The following PUS10 variants were observed in gnomAD, a reference collection of about 807,000 sequenced individuals.
PUS10 encodes the protein pseudouridine synthase 10.
Under a neutral mutation model 75.0 loss-of-function variants are expected in PUS10, and 59 were observed. The observed-to-expected ratio is 0.79, with a 90% CI of 0.64 to 0.98. The LOEUF (loss-of-function observed/expected upper bound fraction) is 0.98, where lower values mean the gene tolerates loss of function less well. Ranked by LOEUF, PUS10 falls within the 50% of genes least tolerant of loss-of-function variation. PUS10 has a pLI of 0.00. For missense variants in PUS10, 650 were observed against 614.4 expected, an observed-to-expected ratio of 1.06 and a Z score of -0.61; for synonymous variants, 219 against 211.6, an observed-to-expected ratio of 1.03 and a Z score of -0.30.
chr2:60,968,504 G>A (rs1010433959), intron 5 of PUS10, among the ~76,000 whole-genome samples: 1 of 151,868 alleles, frequency 6.6e-6, no homozygotes, highest in Non-Finnish European at 1.5e-5. Flanking sequence ...TTCACTGATA[G>A]AAATTACTCC....
chr2:60,985,844 G>A (rs1677687348), intron 4 of PUS10, among the ~76,000 whole-genome samples: 2 of 148,572 alleles, frequency 1.3e-5, no homozygotes, highest in Admixed American at 6.9e-5. Context: ...GGATGGGGCC[G>A]TATCTAATGG....
chr2:60,954,125 T>C lies in PUS10; in HGVS notation c.1091A>G (p.His364Arg), dbSNP rs757840777. ...RPFAIELVNPHRVHFTSQEIK... is the reference protein window; with the variant it reads ...RPFAIELVNPRRVHFTSQEIK... Reference sequence around the variant, plus strand: ...TTCTTGTGAAGTGAAATGTACTCTATGAGGATTCACCAGCTCAATTGCAAA... The same window carrying C: ...TTCTTGTGAAGTGAAATGTACTCTACGAGGATTCACCAGCTCAATTGCAAA... The change falls in exon 13 of 18, where the codon CAT becomes CGT. Residue 364 changes from histidine (H) to arginine (R), a missense_variant. Physicochemically the swap from His to Arg is conservative, Grantham distance 29 (BLOSUM62 0). Transcript: ENST00000316752. The C allele has an allele frequency of 5.0e-6, 8 of 1,614,084 alleles. No individual in the cohort carries two copies. The African/African-American group carries it at 1.1e-4, about 22-fold the overall frequency.
chr2:60,962,578 A>AAAAT (rs1323486947), intron 9 of PUS10, among the ~76,000 whole-genome samples: 2 of 152,050 alleles, frequency 1.3e-5, no homozygotes, highest in Admixed American at 6.5e-5. Context: ...CTGTCTCAAA[A>AAAAT]AAATAAATAA....
intron 4 of PUS10, among the ~76,000 whole-genome samples, chr2:60,984,100 A>G (rs1441772766): frequency 1.3e-5 from 2 of 152,200 alleles, no homozygotes; most frequent in Admixed American, 1.3e-4. Context: ...CAAAACAAAT[A>G]TTGAAAAAGT....
At position 61,001,482 on chromosome 2, in the gene PUS10, G is replaced by A. The variant is rs112712455; in HGVS notation, c.468+5075C>T. Reference sequence around the variant, plus strand: ...AGTAGAGACGGGATTTTACTATGTTGGCTAGGCTGGTCTCGAACTCCTGAC... The same window carrying A: ...AGTAGAGACGGGATTTTACTATGTTAGCTAGGCTGGTCTCGAACTCCTGAC... On this transcript the variant is annotated intron_variant, in intron 4 of 17. Transcript: ENST00000316752. Among the ~76,000 whole-genome samples the A allele has an allele frequency of 7.1e-3, 1,078 of 152,156 alleles. 11 individuals carry two copies. The highest frequency in any genetic ancestry group is 0.014 in the Middle Eastern group (4 of 294).
chr2:60,967,193 A>ATGTTGCTTTGCATCAAGTC (rs1553407265), intron 6 of PUS10: 2 of 258,640 alleles, frequency 7.7e-6, no homozygotes, highest in African/African-American at 4.7e-5. Context: ...AGTTATTTAT[A>ATGTTGCTTTGCATCAAGTC]TGTTGCTTTG....
chr2:61,005,149 T>A (rs960936854), intron 4 of PUS10, among the ~76,000 whole-genome samples: 29 of 152,194 alleles, frequency 1.9e-4, no homozygotes, highest in African/African-American at 7.0e-4. Context: ...TAAGCCCAGC[T>A]ACTTGGGAGA....
At chr2:60,960,538 T>A in intron 10 of PUS10, 21 bp from the exon 11 acceptor site, 1 of 1,559,870 alleles carries the variant, frequency 6.4e-7, no homozygotes, top group Non-Finnish European at 8.6e-7. Context: ...AATAATCAGA[T>A]AGCCTGGATG....
chr2:61,011,083 G>T (rs552138325), intron 2 of PUS10, among the ~76,000 whole-genome samples: 1 of 152,202 alleles, frequency 6.6e-6, no homozygotes, highest in South Asian at 2.1e-4. Flanking sequence ...AAGAAACTGT[G>T]TGTGTATATG....
At position 61,018,254 on chromosome 2, in the gene PUS10, C is replaced by T. The variant is rs566451812; in HGVS notation, c.-262G>A. ...ACGGCATCGACAGGGAGCAAAGTCTCTCCTTAAAGGTGTTAACCTCTCGAG... is the reference window on the plus strand; with the variant it reads ...ACGGCATCGACAGGGAGCAAAGTCTTTCCTTAAAGGTGTTAACCTCTCGAG... On this transcript the variant is annotated 5_prime_UTR_variant, in exon 1 of 18. Coordinates refer to ENST00000316752, the MANE Select transcript of PUS10 (RefSeq NM_144709.4). 6 of 1,550,944 alleles carry T rather than the reference C, an allele frequency of 3.9e-6. No individual in the cohort carries two copies. The highest frequency in any genetic ancestry group is 1.4e-5 in the African/African-American group (1 of 73,020).
Position 60,954,105 on chromosome 2 carries a change from G to C in PUS10, c.1111C>G (p.Gln371Glu). 1.2e-6 allele frequency: 2 copies of C among 1,614,132 alleles called. No homozygotes were observed. Among genetic ancestry groups the C allele is most frequent in the Non-Finnish European group, 8.5e-7 (1 of 1,179,986 alleles). Residue 371 changes from glutamine (Q) to glutamate (E), a missense_variant, in exon 13 of 18, where the codon CAA becomes GAA. By Grantham distance (29) the Gln-to-Glu change is conservative (BLOSUM62 2). Coordinates refer to ENST00000316752, the MANE Select transcript of PUS10 (RefSeq NM_144709.4). ...ACCTGCTGAAGTTCCTTAATTTCTT[G>C]TGAAGTGAAATGTACTCTATGAGGA... ...VNPHRVHFTS[Q>E]EIKELQQKIN...
intron 4 of PUS10, among the ~76,000 whole-genome samples, chr2:60,985,412 A>C (rs7585642): frequency 0.58 from 88,013 of 152,092 alleles, 28,548 homozygotes; most frequent in African/African-American, 0.85. Context: ...TATTTTTGGG[A>C]TGAGAATAAA....
intron 15 of PUS10, among the ~76,000 whole-genome samples, chr2:60,949,710 G>C (rs1015183080): frequency 3.9e-5 from 6 of 152,132 alleles, no homozygotes; most frequent in African/African-American, 1.4e-4. Flanking sequence ...AAATCAACTA[G>C]TTGCATCAGT....
chr2:60,973,389 G>A (rs933432068), intron 4 of PUS10, among the ~76,000 whole-genome samples: 1 of 152,250 alleles, frequency 6.6e-6, no homozygotes, highest in African/African-American at 2.4e-5. Context: ...AGGCCTGGAG[G>A]GGTCTGCTCC....
At chr2:60,945,222 C>T in intron 16 of PUS10, 114 bp from the exon 17 acceptor site, 1 of 680,398 alleles carries the variant, frequency 1.5e-6, no homozygotes. Flanking sequence ...AAGGTTACTT[C>T]TGAGCTCTGA....
intron 4 of PUS10, among the ~76,000 whole-genome samples, chr2:60,974,982 C>T (rs542278686): frequency 1.5e-4 from 23 of 152,326 alleles, no homozygotes; most frequent in Admixed American, 1.2e-3. Flanking sequence ...CCAAGGATCC[C>T]GTAACACCAG....
intron 4 of PUS10, among the ~76,000 whole-genome samples, chr2:60,993,796 A>C (rs904413274): frequency 6.6e-6 from 1 of 151,672 alleles, no homozygotes; most frequent in Non-Finnish European, 1.5e-5. Flanking sequence ...ATTGATTGAC[A>C]CTTTTTTTTT....
intron 4 of PUS10, among the ~76,000 whole-genome samples, chr2:60,973,627 T>C (rs1030740964): frequency 6.6e-6 from 1 of 152,242 alleles, no homozygotes; most frequent in African/African-American, 2.4e-5. Flanking sequence ...CAGGCGCCCC[T>C]TGGCAAGAAC....
Position 60,942,361 on chromosome 2 carries a change from G to A in PUS10, c.*34C>T. 3 of 1,601,520 alleles carry A rather than the reference G, an allele frequency of 1.9e-6. No individual in the cohort carries two copies. In the South Asian group the frequency reaches 3.3e-5, roughly 18 times the overall value. On this transcript the variant is annotated 3_prime_UTR_variant, in exon 18 of 18. Transcript: ENST00000316752. ...CTCCATGGATGTCCACATCATGCCA[G>A]GAAAACCATACTCTTTGTCTCCAAA...
Sources: gnomAD v4.1 joint callset for allele counts (sites outside exome capture counted in the v4.1 genomes callset) on GRCh38, gnomAD v4.1.1 for gene constraint, MANE v1.5 for transcripts, NCBI Gene and HGNC (gene_info 2026-07-23, HGNC 2026-07-21) for gene names.